Variants in AK9 observed in about 807,000 individuals in gnomAD.
AK9 encodes the protein adenylate kinase domain containing 1.
AK9 carries 191 observed loss-of-function variants against 239.6 expected under a neutral mutation model. The ratio of observed to expected loss-of-function variants is 0.80; its 90% CI spans 0.71 to 0.90. The LOEUF is 0.90. AK9 is among the 40% of genes least tolerant of loss of function. The pLI, the probability that AK9 is intolerant of heterozygous loss-of-function variation, is 0.00. For missense variants in AK9, 1,995 were observed against 2,214.7 expected (o/e 0.90, Z 1.99); for synonymous variants, 689 against 721.0 (o/e 0.96, Z 0.71).
rs187905354 is a variant in AK9 at position 109,498,232 on chromosome 6, T to C, written c.5047-267A>G. ...TGCGCTCCTACTACACTACAGTCAC[T>C]GGAGAGAGCAGGCCCCTGCCAGCCC... is the stretch of plus-strand genomic sequence containing the variant. On this transcript the variant is annotated intron_variant, in intron 36 of 40. Transcript: ENST00000424296. Among the ~76,000 whole-genome samples the C allele has an allele frequency of 1.4e-4, 22 of 152,322 alleles. No homozygotes were observed. In the East Asian group the frequency reaches 4.2e-3, roughly 29 times the overall value.
chr6:109,574,559 G>T (rs1406746422), intron 20 of AK9, among the ~76,000 whole-genome samples: 2 of 152,010 alleles, frequency 1.3e-5, no homozygotes, highest in African/African-American at 4.8e-5. Flanking sequence ...TATATTAATT[G>T]CACATTGAAG....
Position 109,644,666 on chromosome 6 carries a change from G to C in AK9, c.782C>G (p.Pro261Arg). The C allele has an allele frequency of 6.2e-7, 1 of 1,612,662 alleles. No homozygotes were observed. The highest frequency in any genetic ancestry group is 8.5e-7 in the Non-Finnish European group (1 of 1,179,760). Reference protein sequence around the residue: ...TLEEVMAEHNPQYLIELNGNK... With the variant: ...TLEEVMAEHNRQYLIELNGNK... ...TCCATTTAGCTCAATGAGATACTGG[G>C]GATTGTGTTCAGCCATTACTTCCTG... Residue 261 changes from proline (P) to arginine (R), a missense_variant, in exon 9 of 41, where the codon CCC becomes CGC. This residue lies in a region of AK9 where 1,290 missense variants were observed against 1,392.7 expected (regional missense o/e 0.93). Transcript: ENST00000424296.
intron 32 of AK9, among the ~76,000 whole-genome samples, chr6:109,510,703 T>A (rs1778644253): frequency 6.6e-6 from 1 of 152,202 alleles, no homozygotes. Context: ...TGTTCACTCT[T>A]CACTTGTCTG....
chr6:109,658,411 C>A (rs565275041), intron 7 of AK9, among the ~76,000 whole-genome samples: 1 of 152,150 alleles, frequency 6.6e-6, no homozygotes, highest in South Asian at 2.1e-4. Flanking sequence ...AAGCAAGTAA[C>A]AAAAGTAACA....
At chr6:109,568,616 G>C (rs144508589) in intron 21 of AK9, among the ~76,000 whole-genome samples, 2 of 152,122 alleles carry the variant, frequency 1.3e-5, no homozygotes, top group African/African-American at 4.8e-5. Context: ...AAAATCACAC[G>C]CATTCCTATA....
intron 12 of AK9, among the ~76,000 whole-genome samples, chr6:109,628,296 CCA>C (rs1795765477): frequency 6.6e-6 from 1 of 152,162 alleles, no homozygotes; most frequent in South Asian, 2.1e-4. Context: ...AAGCTCTTGG[CCA>C]CACACACTTG....
intron 8 of AK9, among the ~76,000 whole-genome samples, chr6:109,650,366 A>C (rs1364531957): frequency 6.6e-6 from 1 of 152,302 alleles, no homozygotes; most frequent in East Asian, 1.9e-4. Context: ...CAGAATCTAC[A>C]AAGAACTCAA....
Position 109,506,488 on chromosome 6 carries a change from C to A in AK9, c.4688G>T (p.Arg1563Leu). 4 of 1,612,368 alleles carry A rather than the reference C, an allele frequency of 2.5e-6. No homozygotes were observed. The highest frequency in any genetic ancestry group is 3.4e-6 in the Non-Finnish European group (4 of 1,179,100). The change falls in exon 35 of 41, where the codon CGC (arginine) becomes CTC (leucine). Residue 1563 changes from arginine to leucine, a missense_variant. Arg to Leu is a moderately radical substitution (Grantham distance 102). This residue lies in a region of AK9 where 391 missense variants were observed against 456.0 expected (regional missense o/e 0.86). Transcript: ENST00000424296. ...TTGCCTAATCTCACCAATATTTTTG[C>A]GATACTTTACATTATTGACAGCTAC... The part of the protein sequence containing the change: ...QIVAVNNVKY[R>L]KNIGEIRQYY...
intron 1 of AK9, among the ~76,000 whole-genome samples, chr6:109,678,638 C>A (rs1370433887): frequency 6.6e-6 from 1 of 151,864 alleles, no homozygotes; most frequent in Non-Finnish European, 1.5e-5. Flanking sequence ...TTGCCGCCCC[C>A]CAAAAAAGAT....
chr6:109,688,167 C>T (rs1773794184), intron 1 of AK9, among the ~76,000 whole-genome samples: 2 of 152,212 alleles, frequency 1.3e-5, no homozygotes, highest in Admixed American at 1.3e-4. Flanking sequence ...CAATACGGTA[C>T]AACCCCTTTA....
In AK9 at chr6:109,593,370, T is replaced by A. The variant is rs111304859; in HGVS notation, c.1843-7298A>T. ...TGAGTTCTGAAATTGAGGCAGTAAT[T>A]AATAGCCTACCAACCAAAAAAAGCC... On this transcript the variant is annotated intron_variant, in intron 17 of 40. Coordinates refer to ENST00000424296, the MANE Select transcript of AK9 (RefSeq NM_001145128.3). 8.1e-3 allele frequency among the ~76,000 whole-genome samples: 1,234 copies of A among 152,058 alleles called. 25 individuals are homozygous for A. Among genetic ancestry groups the A allele is most frequent in the African/African-American group, 0.026 (1,095 of 41,492 alleles).
intron 17 of AK9, among the ~76,000 whole-genome samples, chr6:109,600,308 A>T (rs1055236017): frequency 8.5e-5 from 13 of 152,190 alleles, no homozygotes; most frequent in African/African-American, 3.1e-4. Context: ...ATTTTCTTGA[A>T]GGCCTTTTCC....
intron 21 of AK9, among the ~76,000 whole-genome samples, chr6:109,570,080 C>G (rs1237351768): frequency 6.6e-6 from 1 of 152,160 alleles, no homozygotes; most frequent in Non-Finnish European, 1.5e-5. Flanking sequence ...CACATATACA[C>G]CATGGAATAC....
intron 2 of AK9, 93 bp downstream of exon 2, chr6:109,675,536 C>A: frequency 1.3e-6 from 1 of 789,376 alleles, no homozygotes; most frequent in Non-Finnish European, 1.9e-6. Flanking sequence ...AAAAAATGAG[C>A]ACAATATGTG....
At chr6:109,689,720 T>C (rs1464909943) in intron 1 of AK9, among the ~76,000 whole-genome samples, 1 of 152,220 alleles carries the variant, frequency 6.6e-6, no homozygotes, top group African/African-American at 2.4e-5. Context: ...CAAAGTTTTG[T>C]CTTAGGATCT....
rs540299423 is a variant in AK9, at chr6:109,564,831, C to T, written c.2359G>A (p.Glu787Lys). 6.6e-5 allele frequency: 102 copies of T among 1,542,492 alleles called. No homozygotes were observed. The South Asian group carries it at 1.1e-3, about 16-fold the overall frequency. ...ATTTCTGTTTCCACTGTAGTTTCCT[C>T]GATAGGCTCAGATACTTAAGAAAGA... The part of the protein sequence containing the change: ...TEPEAVSEPI[E>K]ETTVETEIPK... Residue 787 changes from glutamate (E) to lysine (K), a missense_variant, in exon 22 of 41, where the codon GAG becomes AAG. Physicochemically the swap from Glu to Lys is moderately conservative, Grantham distance 56. Transcript: ENST00000424296.
chr6:109,531,709 A>G (rs1296180969), intron 28 of AK9, among the ~76,000 whole-genome samples: 1 of 152,142 alleles, frequency 6.6e-6, no homozygotes, highest in Non-Finnish European at 1.5e-5. Context: ...GTGAGACAAC[A>G]TATGAATGTG....
chr6:109,577,170 C>G (rs766900723), intron 20 of AK9, among the ~76,000 whole-genome samples: 1 of 151,874 alleles, frequency 6.6e-6, no homozygotes, highest in Non-Finnish European at 1.5e-5. Context: ...TCCTTTTATG[C>G]CCATTTTTCT....
At chr6:109,527,129 G>A (rs1238106542) in intron 29 of AK9, among the ~76,000 whole-genome samples, 1 of 152,204 alleles carries the variant, frequency 6.6e-6, no homozygotes, top group Non-Finnish European at 1.5e-5. Flanking sequence ...GACAGGAAGA[G>A]AGGGAGGATT....
Sources: allele counts gnomAD v4.1 joint callset (sites outside exome capture counted in the v4.1 genomes callset), GRCh38; gene constraint gnomAD v4.1.1; regional missense constraint gnomAD v4.1.1; transcripts MANE v1.5; gene names NCBI Gene and HGNC (gene_info 2026-07-23, HGNC 2026-07-21).